The following KANK4 variants were observed in gnomAD, a reference collection of about 807,000 sequenced individuals.
The protein encoded by KANK4 is KN motif and ankyrin repeat domains 4, also known as KN motif and ankyrin repeat domain-containing protein 4.
KANK4 carries 50 observed loss-of-function variants against 80.8 expected under a neutral mutation model. That is an observed-to-expected ratio of 0.62 (90% confidence interval 0.49 to 0.78). The LOEUF (loss-of-function observed/expected upper bound fraction) is 0.78. Among genes scored for constraint, KANK4 ranks in the 30% least tolerant of loss-of-function variants. The pLI, the probability that KANK4 is intolerant of heterozygous loss-of-function variation, is 0.00. For synonymous variants in KANK4, 465 were observed against 506.9 expected (o/e 0.92, Z 1.11); for missense variants, 1,196 against 1,240.1 (o/e 0.96, Z 0.53).
chr1:62,296,482 A>C (rs1644365542), intron 1 of KANK4, among the ~76,000 whole-genome samples: 1 of 152,234 alleles, frequency 6.6e-6, no homozygotes, highest in Non-Finnish European at 1.5e-5. Context: ...CTCTGCCAGA[A>C]GTGTCCTTTG....
intron 1 of KANK4, among the ~76,000 whole-genome samples, chr1:62,302,431 TTTA>T (rs1405606224): frequency 6.6e-6 from 1 of 151,916 alleles, no homozygotes. Flanking sequence ...GCTAGATGCT[TTTA>T]TTATTTTATT....
In KANK4 at chr1:62,247,573, C is replaced by T. The variant is rs770081998; in HGVS notation, c.2782G>A (p.Asp928Asn). 2 of 1,614,108 alleles carry T rather than the reference C, an allele frequency of 1.2e-6. No individual in the cohort carries two copies. Among genetic ancestry groups the T allele is most frequent in the East Asian group, 2.2e-5 (1 of 44,844 alleles). The part of the protein sequence containing the change: ...CQADVNLQDH[D>N]GSSALMVACH... ...GCCACCATGAGGGCCGAGGATCCAT[C>T]GTGGTCCTGCAGATTGACATCTGCC... is the stretch of plus-strand genomic sequence containing the variant. Residue 928 changes from aspartate (D) to asparagine (N), a missense_variant, in exon 9 of 10, where the codon GAT (aspartate) becomes AAT (asparagine). Asp to Asn is a conservative substitution (Grantham distance 23). Transcript: ENST00000371153.
intron 1 of KANK4, among the ~76,000 whole-genome samples, chr1:62,290,672 A>T (rs2149160121): frequency 6.6e-6 from 1 of 152,326 alleles, no homozygotes; most frequent in Non-Finnish European, 1.5e-5. Context: ...ATGGGAATTC[A>T]ATAAAAACGT....
intron 1 of KANK4, among the ~76,000 whole-genome samples, chr1:62,315,815 C>G (rs972232565): frequency 2.0e-5 from 3 of 152,176 alleles, no homozygotes; most frequent in Admixed American, 2.0e-4. Flanking sequence ...CCCCACCATA[C>G]CTACCGAAGT....
At chr1:62,254,404 G>A (rs1671699815) in intron 7 of KANK4, among the ~76,000 whole-genome samples, 1 of 151,608 alleles carries the variant, frequency 6.6e-6, no homozygotes, top group Admixed American at 6.6e-5. Flanking sequence ...ACCATGCCTG[G>A]CTAATTTTTG....
At chr1:62,238,531 T>G in intron 9 of KANK4, 150 bp from the exon 10 acceptor site, 2 of 601,142 alleles carry the variant, frequency 3.3e-6, no homozygotes, top group Middle Eastern at 6.7e-4. Flanking sequence ...TCGAATGGCA[T>G]GAGGATCACC....
At chr1:62,278,882 G>A (rs1019191506) in intron 2 of KANK4, among the ~76,000 whole-genome samples, 2 of 152,136 alleles carry the variant, frequency 1.3e-5, no homozygotes, top group Admixed American at 1.3e-4. Flanking sequence ...ATAAGGACAG[G>A]CCAAACAGAG....
intron 7 of KANK4, among the ~76,000 whole-genome samples, chr1:62,254,430 CAG>C (rs1478014897): frequency 1.5e-5 from 2 of 133,338 alleles, no homozygotes; most frequent in Non-Finnish European, 1.6e-5. Context: ...TTAGTAGAGA[CAG>C]AGTTTCACTG....
chr1:62,283,644 G>A (rs940239067), intron 1 of KANK4, among the ~76,000 whole-genome samples: 4 of 152,176 alleles, frequency 2.6e-5, no homozygotes, highest in African/African-American at 9.6e-5. Flanking sequence ...GAGGAGAACT[G>A]CTCTCTTGTA....
intron 1 of KANK4, among the ~76,000 whole-genome samples, chr1:62,309,932 G>A (rs1043038166): frequency 1.2e-4 from 19 of 152,326 alleles, no homozygotes; most frequent in Middle Eastern, 3.4e-3. Context: ...AGCATCACCC[G>A]AAGGCGGCCA....
intron 2 of KANK4, among the ~76,000 whole-genome samples, chr1:62,280,555 T>G (rs549346585): frequency 6.6e-6 from 1 of 152,292 alleles, no homozygotes; most frequent in South Asian, 2.1e-4. Context: ...TGAAGGGCCA[T>G]GTGATTCAAG....
intron 1 of KANK4, among the ~76,000 whole-genome samples, chr1:62,291,775 T>A (rs569342933): frequency 6.6e-6 from 1 of 152,238 alleles, no homozygotes; most frequent in African/African-American, 2.4e-5. Flanking sequence ...GCCTGGCTAA[T>A]CTTGTATTTT....
At chr1:62,251,716 G>A (rs576985141) in intron 8 of KANK4, among the ~76,000 whole-genome samples, 106 of 152,292 alleles carry the variant, frequency 7.0e-4, no homozygotes, top group African/African-American at 2.5e-3. Context: ...TTCAGAGGCC[G>A]GGCGCGGTGG....
At chr1:62,248,681 A>G (rs965449921) in intron 8 of KANK4, among the ~76,000 whole-genome samples, 19 of 151,286 alleles carry the variant, frequency 1.3e-4, no homozygotes, top group Admixed American at 6.6e-4. Context: ...AGTAGCTGGG[A>G]TTACAGGCAG....
At chr1:62,262,518 T>C (rs746311014) in intron 7 of KANK4, among the ~76,000 whole-genome samples, 1 of 152,100 alleles carries the variant, frequency 6.6e-6, no homozygotes, top group Non-Finnish European at 1.5e-5. Flanking sequence ...TGCAAAGACA[T>C]GGAATCAACC....
chr1:62,282,253 C>A (rs1672467007), intron 1 of KANK4, among the ~76,000 whole-genome samples: 1 of 152,086 alleles, frequency 6.6e-6, no homozygotes, highest in Non-Finnish European at 1.5e-5. Flanking sequence ...AGAATATTGC[C>A]CTGGCTCTGA....
At position 62,237,246 on chromosome 1, in the gene KANK4, T is replaced by C. The variant is rs1282437056; in HGVS notation, c.*1031A>G. 1.3e-5 allele frequency: 2 copies of C among 149,964 alleles called. No homozygotes were observed. Among genetic ancestry groups the C allele is most frequent in the Admixed American group, 6.7e-5 (1 of 14,842 alleles). 9.3% of individuals were successfully genotyped at this position (149,964 alleles called of 1,614,324 possible). The stretch of plus-strand genomic sequence containing the variant: ...CCTTGCATGTGCTGGCCCCAGGGAA[T>C]ATGGAAGCTTCGGAAGGTATTGCTC... On this transcript the variant is annotated 3_prime_UTR_variant, in exon 10 of 10. Transcript: ENST00000371153.
rs2666484 is a variant in KANK4 at position 62,281,719 on chromosome 1, A to G, written c.-70-85T>C. The stretch of plus-strand genomic sequence containing the variant: ...GAAACACAGCACTAAACAAAGTAAC[A>G]TCCATCCCTGCCTTTCTCCCAGGGT... On this transcript the variant is annotated intron_variant, in intron 1 of 9. Transcript: ENST00000371153. The G allele has an allele frequency of 4.0e-4, 346 of 862,560 alleles. 1 individual carries two copies. In the African/African-American group the frequency reaches 5.0e-3, roughly 12 times the overall value. 53.4% of individuals were successfully genotyped at this position (862,560 alleles called of 1,614,324 possible).
Position 62,274,790 on chromosome 1 carries a change from T to G in KANK4, c.314A>C (p.Glu105Ala), listed in dbSNP as rs774160002. The G allele has an allele frequency of 6.2e-7, 1 of 1,614,008 alleles. No homozygotes were observed. The highest frequency in any genetic ancestry group is 1.7e-5 in the Admixed American group (1 of 60,014). The change falls in exon 3 of 10, where the codon GAG (glutamate) becomes GCG (alanine). Residue 105 changes from glutamate (E) to alanine (A), a missense_variant. Physicochemically the swap from Glu to Ala is moderately radical, Grantham distance 107. Coordinates refer to ENST00000371153, the MANE Select transcript of KANK4 (RefSeq NM_181712.5). The part of the protein sequence containing the change: ...VPREASLGTQ[E>A]QNQSPPLGNA... ...ACCAAGCGGTGGTGACTGGTTTTGCTCCTGTGTCCCAAGTGATGCCTCCCT... is the reference window on the plus strand; with the variant it reads ...ACCAAGCGGTGGTGACTGGTTTTGCGCCTGTGTCCCAAGTGATGCCTCCCT...
Sources: gnomAD v4.1 joint callset for allele counts (sites outside exome capture counted in the v4.1 genomes callset) on GRCh38, gnomAD v4.1.1 for gene constraint, MANE v1.5 for transcripts, NCBI Gene and HGNC (gene_info 2026-07-23, HGNC 2026-07-21) for gene names.